XKR9: variants seen among roughly 807,000 people sequenced by gnomAD.
XKR9 encodes the protein XK-related protein 9.
In XKR9, 32 loss-of-function variants were observed where a neutral mutation model predicts 32.0. The observed-to-expected ratio is 1.00, with a 90% CI of 0.76 to 1.34. XKR9 has a LOEUF of 1.34. Ranked by LOEUF, XKR9 falls within the 40% of genes most tolerant of loss-of-function variation. XKR9 has a pLI of 0.00. For missense variants in XKR9, 546 were observed against 429.7 expected (o/e 1.27, Z -2.39); for synonymous variants, 168 against 143.4 (o/e 1.17, Z -1.22).
intron 4 of XKR9, among the ~76,000 whole-genome samples, chr8:70,728,696 A>C (rs1806560249): frequency 6.6e-6 from 1 of 152,228 alleles, no homozygotes; most frequent in Non-Finnish European, 1.5e-5. Flanking sequence ...TTCTCTCTCC[A>C]GTCCCCATTT....
intron 1 of XKR9, among the ~76,000 whole-genome samples, chr8:70,672,808 T>C (rs1333673430): frequency 6.6e-6 from 1 of 152,216 alleles, no homozygotes; most frequent in African/African-American, 2.4e-5. Context: ...ATTTGCCTGA[T>C]GATTAGTGAT....
the XKR9 span, among the ~76,000 whole-genome samples, chr8:70,795,741 G>C: frequency 6.6e-6 from 1 of 151,948 alleles, no homozygotes; most frequent in Non-Finnish European, 1.5e-5. Flanking sequence ...CACTGATGTT[G>C]AGTTTTTTTT....
chr8:70,850,480 AAAAAG>A, the XKR9 span, among the ~76,000 whole-genome samples: 3 of 149,928 alleles, frequency 2.0e-5, no homozygotes, highest in Non-Finnish European at 3.0e-5. Context: ...AAAAAAAAAA[AAAAAG>A]AAAGAAAATT....
chr8:70,985,546 A>G, the XKR9 span, among the ~76,000 whole-genome samples: 9 of 152,308 alleles, frequency 5.9e-5, no homozygotes, highest in African/African-American at 2.2e-4. Flanking sequence ...TGAAATGGAC[A>G]ATCTTTGTAC....
At chr8:70,947,636 TCA>T in the XKR9 span, among the ~76,000 whole-genome samples, 1 of 152,220 alleles carries the variant, frequency 6.6e-6, no homozygotes, top group Admixed American at 6.5e-5. Context: ...AATGGCACAT[TCA>T]GTTTGTTACA....
intron 3 of XKR9, among the ~76,000 whole-genome samples, chr8:70,700,746 G>A (rs929587389): frequency 3.9e-5 from 6 of 152,190 alleles, no homozygotes; most frequent in African/African-American, 1.4e-4. Context: ...GTCTGCAGAG[G>A]TTACTGCTGT....
chr8:70,896,430 C>G, the XKR9 span, among the ~76,000 whole-genome samples: 2 of 151,836 alleles, frequency 1.3e-5, no homozygotes, highest in South Asian at 2.1e-4. Flanking sequence ...TTCTGTCTTT[C>G]AAGACACTGG....
chr8:70,999,560 G>A, the XKR9 span, among the ~76,000 whole-genome samples: 1 of 152,164 alleles, frequency 6.6e-6, no homozygotes, highest in East Asian at 1.9e-4. Context: ...TGGCTTCAGG[G>A]GGTCCTTTTG....
the XKR9 span, among the ~76,000 whole-genome samples, chr8:71,018,624 A>G: frequency 6.6e-6 from 1 of 152,190 alleles, no homozygotes; most frequent in African/African-American, 2.4e-5. Context: ...CCCTGGCACA[A>G]GCCCTGGCAC....
the XKR9 span, among the ~76,000 whole-genome samples, chr8:70,874,593 G>A: frequency 2.0e-5 from 3 of 152,112 alleles, no homozygotes; most frequent in Non-Finnish European, 2.9e-5. Context: ...GTATTTATTT[G>A]ACTAATTCTT....
At chr8:70,744,296 G>A (rs1563465054) in intron 2 of XKR9, among the ~76,000 whole-genome samples, 1 of 137,960 alleles carries the variant, frequency 7.2e-6, no homozygotes, top group Non-Finnish European at 1.6e-5. Flanking sequence ...GGGTGACAGA[G>A]CGAGACTTCG....
chr8:71,018,578 T>C, the XKR9 span, among the ~76,000 whole-genome samples: 578 of 152,202 alleles, frequency 3.8e-3, 4 homozygotes, highest in African/African-American at 0.013. Context: ...TTCTTAAAGG[T>C]AGAGATTATG....
At chr8:70,853,540 C>T in the XKR9 span, among the ~76,000 whole-genome samples, 1 of 151,262 alleles carries the variant, frequency 6.6e-6, no homozygotes, top group Non-Finnish European at 1.5e-5. Flanking sequence ...AAAAAAAAGA[C>T]ATTCTTTTTT....
chr8:70,767,496 CTTTTTTTT>C (rs34400671), intron 2 of XKR9, among the ~76,000 whole-genome samples: 1 of 99,350 alleles, frequency 1.0e-5, no homozygotes, highest in African/African-American at 4.0e-5. Flanking sequence ...TCTTTTCCTT[CTTTTTTTT>C]TTTTTTTTTT....
At chr8:70,921,578 G>A in the XKR9 span, among the ~76,000 whole-genome samples, 8 of 152,038 alleles carry the variant, frequency 5.3e-5, no homozygotes, top group African/African-American at 1.9e-4. Flanking sequence ...TATTATTTAA[G>A]TTTCTCCCAC....
chr8:70,807,615 A>C, the XKR9 span, among the ~76,000 whole-genome samples: 1 of 152,178 alleles, frequency 6.6e-6, no homozygotes, highest in African/African-American at 2.4e-5. Context: ...TTGCAATCCT[A>C]GTCTCTGACA....
At chr8:70,695,740 G>A (rs1805247246) in intron 3 of XKR9, among the ~76,000 whole-genome samples, 1 of 150,810 alleles carries the variant, frequency 6.6e-6, no homozygotes, top group African/African-American at 2.4e-5. Context: ...CTAGATCCCT[G>A]AGGAATTGCC....
chr8:70,972,532 C>T, the XKR9 span, among the ~76,000 whole-genome samples: 12 of 152,012 alleles, frequency 7.9e-5, no homozygotes, highest in South Asian at 1.7e-3. Context: ...TGGGCATGCT[C>T]GTTTTGTTCC....
chr8:70,688,917 G>A (rs938617907), intron 3 of XKR9, among the ~76,000 whole-genome samples: 6 of 152,000 alleles, frequency 3.9e-5, no homozygotes, highest in East Asian at 3.8e-4. Flanking sequence ...AGAAGACATC[G>A]GAGAATTCCT....
Sources: gnomAD v4.1 joint callset for allele counts (sites outside exome capture counted in the v4.1 genomes callset) on GRCh38, gnomAD v4.1.1 for gene constraint, MANE v1.5 for transcripts, NCBI Gene and HGNC (gene_info 2026-07-23, HGNC 2026-07-21) for gene names.